The following CERT1 variants were observed in gnomAD, a reference collection of about 807,000 sequenced individuals.
The protein encoded by CERT1 is ceramide transporter 1, also known as ceramide transfer protein.
In CERT1, 31 loss-of-function variants were observed where a neutral mutation model predicts 87.9. The observed-to-expected ratio is 0.35, with a 90% CI of 0.27 to 0.48. CERT1 has a LOEUF of 0.48. CERT1 is among the 20% of genes least tolerant of loss of function. The pLI, the probability that CERT1 is intolerant of heterozygous loss-of-function variation, is 0.99. For missense variants in CERT1, 487 were observed against 758.0 expected, an observed-to-expected ratio of 0.64 and a Z score of 4.20; for synonymous variants, 289 against 250.9, an observed-to-expected ratio of 1.15 and a Z score of -1.44.
intron 4 of CERT1, among the ~76,000 whole-genome samples, 171 bp from the exon 5 acceptor site, chr5:75,425,670 G>GA (rs1345508057): frequency 6.6e-6 from 1 of 152,200 alleles, no homozygotes; most frequent in Non-Finnish European, 1.5e-5. Context: ...TGAAACTGAT[G>GA]AATCTATTGG....
rs189666203 is a variant in CERT1, at chr5:75,432,543, T to A, written c.349-6065A>T. ...AGTGTCTGTTCATGTCCTTTGCCCATCGTTTAATGGGGTTGTTTAGGTTTT... is the reference window on the plus strand; with the variant it reads ...AGTGTCTGTTCATGTCCTTTGCCCAACGTTTAATGGGGTTGTTTAGGTTTT... On this transcript the variant is annotated intron_variant, in intron 3 of 16. Transcript: ENST00000643780. Among the ~76,000 whole-genome samples the A allele has an allele frequency of 4.9e-3, 752 of 152,338 alleles. 12 individuals carry two copies. Among genetic ancestry groups the A allele is most frequent in the South Asian group, 0.035 (169 of 4,834 alleles).
upstream of CERT1, chr5:75,511,923 C>A (rs892464244): frequency 1.7e-6 from 2 of 1,173,780 alleles, no homozygotes; most frequent in Non-Finnish European, 2.4e-6. Flanking sequence ...GGGTGAGTAT[C>A]CCGCGCGGGG....
At chr5:75,467,335 G>T (rs150568620) in intron 2 of CERT1, among the ~76,000 whole-genome samples, 1 of 152,098 alleles carries the variant, frequency 6.6e-6, no homozygotes, top group Non-Finnish European at 1.5e-5. Flanking sequence ...GGAGAAAGTT[G>T]TAACTATAAA....
chr5:75,478,453 A>G (rs1766075345), intron 2 of CERT1, among the ~76,000 whole-genome samples: 2 of 152,198 alleles, frequency 1.3e-5, no homozygotes, highest in South Asian at 4.1e-4. Context: ...GTGTGCAGTG[A>G]CGGAGGACAA....
chr5:75,478,065 C>A (rs1309725605), intron 2 of CERT1, among the ~76,000 whole-genome samples: 2 of 152,142 alleles, frequency 1.3e-5, no homozygotes, highest in African/African-American at 4.8e-5. Context: ...GTAATCCCAG[C>A]ACTTTGGGAG....
intron 11 of CERT1, among the ~76,000 whole-genome samples, chr5:75,394,779 C>A (rs1762179339): frequency 6.6e-6 from 1 of 151,902 alleles, no homozygotes; most frequent in Admixed American, 6.6e-5. Context: ...ATGTTCATGG[C>A]CTTTGTTCCC....
intron 6 of CERT1, among the ~76,000 whole-genome samples, chr5:75,417,645 T>G (rs1284900998): frequency 1.3e-5 from 2 of 152,200 alleles, no homozygotes; most frequent in Non-Finnish European, 2.9e-5. Flanking sequence ...TGAAATAATG[T>G]CAATTTTGAC....
rs1355053152 is a variant in CERT1 at position 75,426,478 on chromosome 5, T to C, written c.349A>G (p.Thr117Ala). The stretch of plus-strand genomic sequence containing the variant: ...GATTCAGATCCATATCCAGATTCAG[T>C]CTAAAAAAAAAAGTAAACTATGTGA... Reference protein sequence around the residue: ...QWIDAIEQHKTESGYGSESSL... With the variant: ...QWIDAIEQHKAESGYGSESSL... The change falls in exon 4 of 17, where the codon ACT becomes GCT. Residue 117 changes from threonine (T) to alanine (A), a missense_variant and splice_region_variant. Thr to Ala is a moderately conservative substitution (Grantham distance 58, BLOSUM62 0). Transcript: ENST00000643780. 5 of 1,598,768 alleles carry C rather than the reference T, an allele frequency of 3.1e-6. No homozygotes were observed. Among genetic ancestry groups the C allele is most frequent in the East Asian group, 2.2e-5 (1 of 44,738 alleles).
At chr5:75,473,849 T>C (rs1008871884) in intron 2 of CERT1, among the ~76,000 whole-genome samples, 1 of 152,202 alleles carries the variant, frequency 6.6e-6, no homozygotes, top group Non-Finnish European at 1.5e-5. Context: ...ACATGTTACA[T>C]GTCAACTTTT....
chr5:75,379,861 G>T lies in CERT1; in HGVS notation c.1748-388C>A, dbSNP rs1761493285. Among the ~76,000 whole-genome samples, 3 of 152,260 alleles carry T rather than the reference G, an allele frequency of 2.0e-5. No homozygotes were observed. In the South Asian group the frequency reaches 6.2e-4, roughly 32 times the overall value. ...GCCTCCCAAGGTGCTGGGATTACAG[G>T]CTGAGTCACTGTACCCAGCTGGACC... On this transcript the variant is annotated intron_variant, in intron 16 of 16. Transcript: ENST00000643780.
At chr5:75,418,378 T>A (rs1269437400) in intron 6 of CERT1, among the ~76,000 whole-genome samples, 1 of 152,190 alleles carries the variant, frequency 6.6e-6, no homozygotes, top group South Asian at 2.1e-4. Flanking sequence ...GGTGGGGATA[T>A]GGAGGAACTG....
intron 2 of CERT1, among the ~76,000 whole-genome samples, chr5:75,470,853 A>G (rs933895376): frequency 6.6e-6 from 1 of 152,136 alleles, no homozygotes; most frequent in African/African-American, 2.4e-5. Context: ...ACTCCACCAA[A>G]ATACCGTCAG....
At chr5:75,451,662 T>C (rs1374087590) in intron 3 of CERT1, among the ~76,000 whole-genome samples, 1 of 152,208 alleles carries the variant, frequency 6.6e-6, no homozygotes, top group Non-Finnish European at 1.5e-5. Context: ...AAATCCAATA[T>C]TGATTTTAAA....
At chr5:75,399,223 C>T in intron 11 of CERT1, 87 bp downstream of exon 11, 1 of 1,011,018 alleles carries the variant, frequency 9.9e-7, no homozygotes, top group Non-Finnish European at 1.6e-6. Context: ...AATCAGTGGC[C>T]TAACCAAAAG....
chr5:75,465,629 T>C (rs1178941676), intron 2 of CERT1, among the ~76,000 whole-genome samples: 2 of 152,180 alleles, frequency 1.3e-5, no homozygotes, highest in African/African-American at 2.4e-5. Flanking sequence ...CAGGGTAGAC[T>C]AGGCAACAAA....
intron 3 of CERT1, among the ~76,000 whole-genome samples, chr5:75,449,059 A>G (rs1764670604): frequency 6.6e-6 from 1 of 152,220 alleles, no homozygotes; most frequent in Non-Finnish European, 1.5e-5. Flanking sequence ...ATACTTGTAT[A>G]ACTGCCAATC....
intron 3 of CERT1, among the ~76,000 whole-genome samples, chr5:75,447,800 G>A (rs1764617261): frequency 6.6e-6 from 1 of 151,766 alleles, no homozygotes; most frequent in African/African-American, 2.4e-5. Flanking sequence ...TAAAGAGACA[G>A]GGTCTCATTG....
intron 2 of CERT1, among the ~76,000 whole-genome samples, chr5:75,478,368 A>G (rs1338435968): frequency 1.3e-5 from 2 of 152,088 alleles, no homozygotes; most frequent in Non-Finnish European, 2.9e-5. Context: ...ACAAAAAAAG[A>G]GAATTCAATC....
chr5:75,400,299 TA>T lies in CERT1; in HGVS notation c.1018-3del, dbSNP rs768479535. The T allele has an allele frequency of 8.1e-6, 13 of 1,596,398 alleles. No individual in the cohort carries two copies. In the East Asian group the frequency reaches 2.9e-4, roughly 36 times the overall value. ...TAATCTCACCTTTTCACTCTGTGAC[TA>T]AAAAAACATATAATATTAAGATGGG... On this transcript the variant is annotated splice_region_variant and splice_polypyrimidine_tract_variant and intron_variant, in intron 9 of 16. Coordinates refer to ENST00000643780, the MANE Select transcript of CERT1 (RefSeq NM_001379029.1).
Sources: allele counts gnomAD v4.1 joint callset (sites outside exome capture counted in the v4.1 genomes callset), GRCh38; gene constraint gnomAD v4.1.1; transcripts MANE v1.5; gene names NCBI Gene and HGNC (gene_info 2026-07-23, HGNC 2026-07-21).